Variants in SMS observed in about 807,000 individuals in gnomAD.
SMS encodes the protein spermine synthase, also known as spermidine aminopropyltransferase.
In SMS, 3 loss-of-function variants were observed where a neutral mutation model predicts 33.0. The ratio of observed to expected loss-of-function variants is 0.09; its 90% CI spans 0.04 to 0.23. The LOEUF (loss-of-function observed/expected upper bound fraction) is 0.23, where lower values mean the gene tolerates loss of function less well. Ranked by LOEUF, SMS falls within the 10% of genes least tolerant of loss-of-function variation. The pLI, the probability that SMS is intolerant of heterozygous loss-of-function variation, is 1.00. For synonymous variants in SMS, 103 were observed against 112.2 expected (o/e 0.92, Z 0.52); for missense variants, 117 against 288.6 (o/e 0.41, Z 4.31).
rs1490244781 is a variant in SMS, at chrX:21,967,372, G to A, written c.170+56G>A. ...CTGGTCACTTATGAGCAGAGAGGGT[G>A]ACAGAGTGGAGGATGGGGGTGGCAT... is the stretch of plus-strand genomic sequence containing the variant. On this transcript the variant is annotated intron_variant, in intron 2 of 10. Coordinates refer to ENST00000404933, the MANE Select transcript of SMS (RefSeq NM_004595.5). The A allele has an allele frequency of 2.8e-5, 33 of 1,166,534 alleles. 1 individual carries two copies. The Admixed American group carries it at 7.3e-4, about 26-fold the overall frequency.
chrX:21,959,968 C>T (rs1485921127), intron 1 of SMS: 23 of 749,369 alleles, frequency 3.1e-5, no homozygotes, highest in Non-Finnish European at 3.6e-5. Flanking sequence ...AAAGGTGGGC[C>T]CTTGGACTTA....
chrX:21,952,506 G>T, intron 1 of SMS, among the ~76,000 whole-genome samples: 1 of 103,372 alleles, frequency 9.7e-6, no homozygotes, highest in Admixed American at 1.1e-4. Context: ...CTATATTGCT[G>T]AATCCTATTT....
chrX:21,968,127 C>A (rs1427743683), intron 2 of SMS, among the ~76,000 whole-genome samples: 1 of 111,998 alleles, frequency 8.9e-6, no homozygotes, highest in Non-Finnish European at 1.9e-5. Flanking sequence ...TTGCTCAGCT[C>A]GAAGTAGGGT....
In SMS at chrX:21,976,980, T is replaced by G. The variant is rs181945019; in HGVS notation, c.330-81T>G. On this transcript the variant is annotated intron_variant, in intron 4 of 10. Transcript: ENST00000404933. Reference sequence around the variant, plus strand: ...TCAAAAGTCGGCAGTCATGTGGCTTTCTTTTGCACACTCTTCATCCTAGCT... The same window carrying G: ...TCAAAAGTCGGCAGTCATGTGGCTTGCTTTTGCACACTCTTCATCCTAGCT... 5.2e-4 allele frequency: 517 copies of G among 985,205 alleles called. No homozygotes were observed. The African/African-American group carries it at 7.5e-3, about 14-fold the overall frequency. The allele number at this position is 985,205 out of a possible 1,213,427, so 81.2% of individuals were successfully genotyped here.
intron 9 of SMS, among the ~76,000 whole-genome samples, chrX:21,988,958 C>T (rs1212430178): frequency 1.8e-5 from 2 of 110,113 alleles, no homozygotes; most frequent in Non-Finnish European, 3.8e-5. Flanking sequence ...CTCTTGTCTC[C>T]CCACAGCCCC....
chrX:21,972,008 A>G lies in SMS; in HGVS notation c.264+18A>G, dbSNP rs768701308. ...TCGACAGTGTCGGTTTTTCACTTTC[A>G]TTTACTCAGTGTTTAAGGATCATAG... is the stretch of plus-strand genomic sequence containing the variant. On this transcript the variant is annotated intron_variant, in intron 3 of 10. Coordinates refer to ENST00000404933, the MANE Select transcript of SMS (RefSeq NM_004595.5). The G allele has an allele frequency of 9.6e-6, 10 of 1,043,974 alleles. No individual in the cohort carries two copies. Among genetic ancestry groups the G allele is most frequent in the Middle Eastern group, 2.6e-4 (1 of 3,878 alleles). The allele number at this position is 1,043,974 out of a possible 1,213,427, so 86.0% of individuals were successfully genotyped here.
chrX:21,969,045 CTCTCTTTGTT>C (rs1472040514), intron 2 of SMS, among the ~76,000 whole-genome samples: 1 of 111,655 alleles, frequency 9.0e-6, no homozygotes, highest in Non-Finnish European at 1.9e-5. Flanking sequence ...CCCACTTTTT[CTCTCTTTGTT>C]TCTCTATTAA....
At chrX:21,981,122 A>C (rs1029498818) in intron 7 of SMS, among the ~76,000 whole-genome samples, 1 of 111,027 alleles carries the variant, frequency 9.0e-6, no homozygotes, top group Non-Finnish European at 1.9e-5. Context: ...GGAGTTGGAG[A>C]ACAGCCTGGT....
intron 7 of SMS, 133 bp downstream of exon 7, chrX:21,979,099 A>G (rs1161525642): frequency 2.0e-6 from 1 of 499,368 alleles, no homozygotes; most frequent in African/African-American, 2.3e-5. Flanking sequence ...TCTTCATATG[A>G]GTTATATGTA....
rs762447050 is a variant in SMS, at chrX:21,985,031, C to T, written c.866-113C>T. On this transcript the variant is annotated intron_variant, in intron 8 of 10. Transcript: ENST00000404933. ...CTCTTTGAATAGTGGGTCTTACACT[C>T]GTGGCTCTTTTTCTTTTTCCTCTTT... The T allele has an allele frequency of 1.1e-4, 55 of 507,227 alleles. No individual in the cohort carries two copies. The African/African-American group carries it at 1.2e-3, about 11-fold the overall frequency. The allele number at this position is 507,227 out of a possible 1,213,427, so 41.8% of individuals were successfully genotyped here.
At chrX:21,978,337 G>T (rs1489010433) in intron 6 of SMS, among the ~76,000 whole-genome samples, 1 of 111,582 alleles carries the variant, frequency 9.0e-6, no homozygotes, top group Admixed American at 9.6e-5. Context: ...CACTTTGGGA[G>T]GCCGAGGCGG....
At chrX:21,950,626 A>G (rs906762042) in intron 1 of SMS, among the ~76,000 whole-genome samples, 5 of 105,996 alleles carry the variant, frequency 4.7e-5, no homozygotes, top group Non-Finnish European at 7.8e-5. Context: ...GCCCAGGTGT[A>G]TGATGTTCCC....
chrX:21,967,155 T>C (rs1359520467), intron 1 of SMS, 41 bp from the exon 2 acceptor site: 1 of 1,203,908 alleles, frequency 8.3e-7, no homozygotes, highest in South Asian at 1.8e-5. Context: ...CTTCTGAACG[T>C]TTCTTTCTGA....
intron 2 of SMS, among the ~76,000 whole-genome samples, chrX:21,968,089 G>T (rs764503382): frequency 1.8e-5 from 2 of 112,106 alleles, no homozygotes; most frequent in South Asian, 7.4e-4. Flanking sequence ...AGGCCTTCTC[G>T]CTGCAGGATG....
intron 7 of SMS, among the ~76,000 whole-genome samples, chrX:21,980,429 A>AAAAAAAT (rs1260210326): frequency 0.29 from 18,130 of 62,599 alleles, 3,990 homozygotes; most frequent in Non-Finnish European, 0.42. Context: ...AAAAAAAAAA[A>AAAAAAAT]ATATATATAT....
intron 1 of SMS, among the ~76,000 whole-genome samples, chrX:21,953,797 T>C (rs1388539431): frequency 8.9e-6 from 1 of 111,914 alleles, no homozygotes; most frequent in Non-Finnish European, 1.9e-5. Flanking sequence ...TTTTTTTCTT[T>C]GTAAGTCTTG....
At chrX:21,965,469 G>T (rs754926504) in intron 1 of SMS, among the ~76,000 whole-genome samples, 1 of 108,021 alleles carries the variant, frequency 9.3e-6, no homozygotes, top group South Asian at 4.0e-4. Flanking sequence ...AAACCCCATC[G>T]CTACCAAAAA....
rs920766572 is a variant in SMS at position 21,941,919 on chromosome X, A to C, written c.49+1046A>C. On this transcript the variant is annotated intron_variant, in intron 1 of 10. Transcript: ENST00000404933. Reference sequence around the variant, plus strand: ...AAAAAAAAAAAAAAAAAAAAAAAAAAAAAACCCGACCAGAAGAGAGAGGCC... The same window carrying C: ...AAAAAAAAAAAAAAAAAAAAAAAAACAAAACCCGACCAGAAGAGAGAGGCC... Among the ~76,000 whole-genome samples the C allele has an allele frequency of 4.3e-3, 399 of 93,184 alleles. 6 individuals carry two copies. The highest frequency in any genetic ancestry group is 0.015 in the African/African-American group (378 of 24,447). The allele number at this position is 93,184 out of a possible 115,157, so 80.9% of individuals were successfully genotyped here. A position where few individuals can be genotyped will look rare whatever the true frequency, so the allele number is the denominator to read the frequency against.
chrX:21,978,127 G>T lies in SMS; in HGVS notation c.660+13G>T. On this transcript the variant is annotated intron_variant, in intron 6 of 10. Transcript: ENST00000404933. Reference sequence around the variant, plus strand: ...CACTATGGTAGAGATATCCTTTGTTGTATAAGAGAACAAGTTCAGTGGGCT... The same window carrying T: ...CACTATGGTAGAGATATCCTTTGTTTTATAAGAGAACAAGTTCAGTGGGCT... The T allele has an allele frequency of 3.3e-6, 4 of 1,200,982 alleles. No individual in the cohort carries two copies. The highest frequency in any genetic ancestry group is 4.5e-6 in the Non-Finnish European group (4 of 885,504).
Sources: allele counts gnomAD v4.1 joint callset (sites outside exome capture counted in the v4.1 genomes callset), GRCh38; gene constraint gnomAD v4.1.1; transcripts MANE v1.5; gene names NCBI Gene and HGNC (gene_info 2026-07-23, HGNC 2026-07-21).